Variants in SGCD observed in about 807,000 individuals in gnomAD.
SGCD encodes the protein delta-sarcoglycan.
A neutral mutation model predicts 36.6 loss-of-function variants in SGCD; 18 were observed. That is an observed-to-expected ratio of 0.49 (90% CI 0.34 to 0.73). SGCD has a LOEUF of 0.73. Among genes scored for constraint, SGCD ranks in the 30% least tolerant of loss-of-function variants. SGCD has a pLI of 0.01. For missense variants in SGCD, 387 were observed against 346.7 expected (o/e 1.12, Z -0.92); for synonymous variants, 133 against 130.6 (o/e 1.02, Z -0.12).
At position 156,329,599 on chromosome 5, in the gene SGCD, G is replaced by A. The variant is rs187786098; in HGVS notation, c.3+20G>A. 2.2e-4 allele frequency: 360 copies of A among 1,611,360 alleles called. 3 individuals carry two copies. In the East Asian group the frequency reaches 7.6e-3, roughly 34 times the overall value. On this transcript the variant is annotated intron_variant, in intron 2 of 8. Coordinates refer to ENST00000337851, the MANE Select transcript of SGCD (RefSeq NM_000337.6). ...GAGATGGTGAGTAATTCCCGGGAGC[G>A]AAGCTTGTTCAAGGCCCTGCTCATG...
At chr5:156,027,493 A>G (rs952653058) in intron 1 of SGCD, among the ~76,000 whole-genome samples, 3 of 152,210 alleles carry the variant, frequency 2.0e-5, no homozygotes, top group Non-Finnish European at 4.4e-5. Context: ...TTATTAGAAT[A>G]TGATGACAAT....
At chr5:156,549,087 A>G (rs1392686431) in intron 4 of SGCD, among the ~76,000 whole-genome samples, 3 of 151,996 alleles carry the variant, frequency 2.0e-5, no homozygotes, top group African/African-American at 7.3e-5. Context: ...TCAGTTATGC[A>G]GTCTAAAAAT....
intron 3 of SGCD, among the ~76,000 whole-genome samples, chr5:156,205,786 A>C (rs2127638818): frequency 1.3e-5 from 2 of 151,996 alleles, no homozygotes; most frequent in South Asian, 2.1e-4. Flanking sequence ...GTGGATGAGG[A>C]TAAATTGTAC....
chr5:156,101,102 T>A (rs919626009), intron 1 of SGCD, among the ~76,000 whole-genome samples: 1 of 152,182 alleles, frequency 6.6e-6, no homozygotes, highest in African/African-American at 2.4e-5. Context: ...ATGAGGGCAA[T>A]TGCCAAAACT....
upstream of SGCD, chr5:156,326,622 C>T (rs1767822583): frequency 6.6e-6 from 1 of 152,166 alleles, no homozygotes; most frequent in South Asian, 2.1e-4. Context: ...GTAGGGAGAT[C>T]AAATTAGAAT....
chr5:156,745,424 C>T (rs559716474), intron 7 of SGCD, among the ~76,000 whole-genome samples: 3 of 152,262 alleles, frequency 2.0e-5, no homozygotes, highest in African/African-American at 4.8e-5. Flanking sequence ...TCCAAGTTCA[C>T]GGTGGCACCA....
chr5:156,134,785 G>T (rs938516965), intron 3 of SGCD, among the ~76,000 whole-genome samples: 1 of 152,036 alleles, frequency 6.6e-6, no homozygotes, highest in South Asian at 2.1e-4. Context: ...CATGGCACGT[G>T]TATACATATG....
At chr5:155,777,446 T>A in the SGCD span, among the ~76,000 whole-genome samples, 3 of 151,524 alleles carry the variant, frequency 2.0e-5, no homozygotes, top group East Asian at 5.8e-4. Context: ...AACTTCTACC[T>A]CCTGGGCTCA....
chr5:155,968,374 T>C (rs1393464530), intron 1 of SGCD, among the ~76,000 whole-genome samples: 1 of 152,128 alleles, frequency 6.6e-6, no homozygotes, highest in Non-Finnish European at 1.5e-5. Flanking sequence ...TGAGTATATA[T>C]AAATACAGTC....
chr5:156,420,661 G>C (rs1025837930), intron 3 of SGCD, among the ~76,000 whole-genome samples: 1 of 152,068 alleles, frequency 6.6e-6, no homozygotes, highest in African/African-American at 2.4e-5. Flanking sequence ...GGTTTTTGCT[G>C]AGATAAGATA....
At chr5:155,786,476 G>A in the SGCD span, among the ~76,000 whole-genome samples, 1 of 152,114 alleles carries the variant, frequency 6.6e-6, no homozygotes, top group Non-Finnish European at 1.5e-5. Flanking sequence ...TGGTGGTGTA[G>A]AGATTAATCG....
chr5:155,803,229 C>T, the SGCD span, among the ~76,000 whole-genome samples: 11 of 152,166 alleles, frequency 7.2e-5, no homozygotes, highest in Middle Eastern at 3.2e-3. Context: ...ACAGATAATT[C>T]ATTACATGGG....
At chr5:155,846,922 T>A in the SGCD span, among the ~76,000 whole-genome samples, 1 of 152,208 alleles carries the variant, frequency 6.6e-6, no homozygotes, top group Non-Finnish European at 1.5e-5. Context: ...TTTGATTCAT[T>A]GCTCAACAAG....
intron 1 of SGCD, among the ~76,000 whole-genome samples, chr5:155,882,722 T>A (rs1443329540): frequency 6.6e-6 from 1 of 152,198 alleles, no homozygotes; most frequent in Non-Finnish European, 1.5e-5. Flanking sequence ...AAAACAGATA[T>A]GCTATCATTT....
intron 4 of SGCD, among the ~76,000 whole-genome samples, chr5:156,532,575 C>A (rs529784836): frequency 6.6e-6 from 1 of 152,254 alleles, no homozygotes; most frequent in East Asian, 1.9e-4. Context: ...ATTCTCCTGC[C>A]TCAGCCTCCC....
intron 4 of SGCD, among the ~76,000 whole-genome samples, chr5:156,543,388 A>G (rs1245626908): frequency 2.6e-5 from 4 of 152,196 alleles, no homozygotes; most frequent in Non-Finnish European, 5.9e-5. Context: ...AGTTTTCAGC[A>G]TCATGTGACT....
chr5:156,244,272 T>C (rs1765384723), intron 3 of SGCD, among the ~76,000 whole-genome samples: 1 of 152,116 alleles, frequency 6.6e-6, no homozygotes, highest in Non-Finnish European at 1.5e-5. Context: ...GAAAAAAAAT[T>C]GAGGAACCGT....
intron 4 of SGCD, among the ~76,000 whole-genome samples, chr5:156,587,390 T>C (rs1185098077): frequency 2.6e-5 from 4 of 152,228 alleles, no homozygotes; most frequent in African/African-American, 9.7e-5. Context: ...GTAGGATTAT[T>C]AAGGTAAGTA....
intron 3 of SGCD, among the ~76,000 whole-genome samples, chr5:156,441,030 T>C (rs1424002027): frequency 6.6e-6 from 1 of 152,172 alleles, no homozygotes; most frequent in Non-Finnish European, 1.5e-5. Context: ...TGTACTGGCA[T>C]TTCAATGGGA....
Sources: gnomAD v4.1 joint callset for allele counts (sites outside exome capture counted in the v4.1 genomes callset) on GRCh38, gnomAD v4.1.1 for gene constraint, MANE v1.5 for transcripts, NCBI Gene and HGNC (gene_info 2026-07-23, HGNC 2026-07-21) for gene names.